Variants in MAP2K4 observed in about 807,000 individuals in gnomAD.
MAP2K4 encodes the protein dual specificity mitogen-activated protein kinase kinase 4.
MAP2K4 carries 4 observed loss-of-function variants against 48.5 expected under a neutral mutation model. The ratio of observed to expected loss-of-function variants is 0.08; its 90% confidence interval spans 0.04 to 0.19. MAP2K4 has a LOEUF of 0.19. Among genes scored for constraint, MAP2K4 ranks in the 10% least tolerant of loss-of-function variants. MAP2K4 has a pLI of 1.00. For missense variants in MAP2K4, 258 were observed against 493.3 expected (o/e 0.52, Z 4.52); for synonymous variants, 166 against 173.1 (o/e 0.96, Z 0.32).
chr17:12,112,247 G>T (rs955109156), intron 6 of MAP2K4, among the ~76,000 whole-genome samples: 1 of 152,108 alleles, frequency 6.6e-6, no homozygotes, highest in Non-Finnish European at 1.5e-5. Flanking sequence ...TGGATCACTT[G>T]AGGTCAGAAG....
chr17:12,106,115 A>AT (rs1007516152), intron 4 of MAP2K4, among the ~76,000 whole-genome samples: 6 of 150,760 alleles, frequency 4.0e-5, no homozygotes, highest in South Asian at 2.1e-4. Flanking sequence ...TCCTAATGTC[A>AT]TTTTTTTTTC....
At chr17:12,023,179 T>A (rs977665799) in intron 1 of MAP2K4, among the ~76,000 whole-genome samples, 15 of 152,234 alleles carry the variant, frequency 9.9e-5, no homozygotes, top group Non-Finnish European at 2.1e-4. Flanking sequence ...TTGAAACTTT[T>A]TTCATTAGTC....
At chr17:12,042,915 C>T (rs1442990148) in intron 1 of MAP2K4, among the ~76,000 whole-genome samples, 1 of 151,364 alleles carries the variant, frequency 6.6e-6, no homozygotes, top group African/African-American at 2.4e-5. Context: ...GGCGTAGTGG[C>T]GGGGGCCTGT....
intron 2 of MAP2K4, among the ~76,000 whole-genome samples, chr17:12,076,313 G>C (rs2151544165): frequency 6.7e-6 from 1 of 150,080 alleles, no homozygotes; most frequent in Middle Eastern, 3.5e-3. Flanking sequence ...GTGTGTGTGT[G>C]TGTGTGTGTG....
chr17:12,034,711 A>G (rs1178056426), intron 1 of MAP2K4, among the ~76,000 whole-genome samples: 3 of 152,208 alleles, frequency 2.0e-5, no homozygotes, highest in Non-Finnish European at 4.4e-5. Context: ...GATGTTACAT[A>G]CTAATTGATT....
At position 12,105,445 on chromosome 17, in the gene MAP2K4, C is replaced by T. The variant is rs28923207; in HGVS notation, c.514-2345C>T. Reference sequence around the variant, plus strand: ...ATTGAGAATGATATCTTTTTATTTTCGAATTAGTTATTGGTATATGTTATT... The same window carrying T: ...ATTGAGAATGATATCTTTTTATTTTTGAATTAGTTATTGGTATATGTTATT... On this transcript the variant is annotated intron_variant, in intron 4 of 10. Coordinates refer to ENST00000353533, the MANE Select transcript of MAP2K4 (RefSeq NM_003010.4). Among the ~76,000 whole-genome samples, 704 of 152,128 alleles carry T rather than the reference C, an allele frequency of 4.6e-3. 2 individuals carry two copies. The highest frequency in any genetic ancestry group is 0.017 in the African/African-American group (689 of 41,502).
chr17:12,082,968 G>A (rs1173035373), intron 3 of MAP2K4, among the ~76,000 whole-genome samples: 1 of 152,232 alleles, frequency 6.6e-6, no homozygotes, highest in Non-Finnish European at 1.5e-5. Flanking sequence ...GATGAATGTT[G>A]TGTTGTCCCT....
chr17:12,140,142 A>T (rs1973329792), intron 10 of MAP2K4, among the ~76,000 whole-genome samples: 1 of 152,198 alleles, frequency 6.6e-6, no homozygotes, highest in African/African-American at 2.4e-5. Flanking sequence ...AAGAATTCTG[A>T]CTTTAAGAAG....
At chr17:12,135,539 A>G (rs1396111319) in intron 9 of MAP2K4, among the ~76,000 whole-genome samples, 1 of 151,878 alleles carries the variant, frequency 6.6e-6, no homozygotes, top group Non-Finnish European at 1.5e-5. Context: ...TGGCCTGGAT[A>G]AGCATTTTAA....
At chr17:12,035,804 C>T (rs900577555) in intron 1 of MAP2K4, among the ~76,000 whole-genome samples, 10 of 152,146 alleles carry the variant, frequency 6.6e-5, no homozygotes, top group African/African-American at 2.4e-4. Context: ...TCAAATCTAT[C>T]ACAAATAAAA....
intron 5 of MAP2K4, among the ~76,000 whole-genome samples, chr17:12,108,916 A>T (rs1972215563): frequency 6.6e-6 from 1 of 152,054 alleles, no homozygotes; most frequent in Non-Finnish European, 1.5e-5. Flanking sequence ...TTTTACAATG[A>T]TTAGTTTAGC....
At chr17:12,084,946 A>T (rs145662408) in intron 3 of MAP2K4, among the ~76,000 whole-genome samples, 99 of 152,282 alleles carry the variant, frequency 6.5e-4, no homozygotes, top group Non-Finnish European at 1.2e-3. Context: ...ATGAAATGTC[A>T]CAGCTTAGAC....
intron 2 of MAP2K4, among the ~76,000 whole-genome samples, chr17:12,072,787 T>C (rs1970859951): frequency 6.6e-6 from 1 of 152,214 alleles, no homozygotes; most frequent in Non-Finnish European, 1.5e-5. Context: ...ATAAAATTTA[T>C]TTCTATAAAA....
chr17:12,142,921 G>T lies in MAP2K4; in HGVS notation c.*1661G>T, dbSNP rs994677092. 1 of 232,526 alleles carries T rather than the reference G, an allele frequency of 4.3e-6. No individual in the cohort carries two copies. The highest frequency in any genetic ancestry group is 8.5e-6 in the Non-Finnish European group (1 of 117,672). 14.4% of individuals were successfully genotyped at this position (232,526 alleles called of 1,614,324 possible). A position where few individuals can be genotyped will look rare whatever the true frequency, so the allele number is the denominator to read the frequency against. Reference sequence around the variant, plus strand: ...GGTGATGCCATTACAGAACCAAATCGTGGCACGTATTGCTGTGTCTCCTCT... The same window carrying T: ...GGTGATGCCATTACAGAACCAAATCTTGGCACGTATTGCTGTGTCTCCTCT... On this transcript the variant is annotated 3_prime_UTR_variant, in exon 11 of 11. Transcript: ENST00000353533.
At chr17:12,062,370 C>G in intron 2 of MAP2K4, among the ~76,000 whole-genome samples, 1 of 152,092 alleles carries the variant, frequency 6.6e-6, no homozygotes, top group East Asian at 1.9e-4. Flanking sequence ...GGATCTTGCT[C>G]TGTTGCCCTG....
At chr17:12,103,997 T>C (rs998316233) in intron 4 of MAP2K4, among the ~76,000 whole-genome samples, 1 of 152,210 alleles carries the variant, frequency 6.6e-6, no homozygotes, top group African/African-American at 2.4e-5. Flanking sequence ...CATGTCTCTT[T>C]GACAACTTAG....
chr17:12,061,107 A>T (rs550001777), intron 2 of MAP2K4, among the ~76,000 whole-genome samples: 16 of 152,286 alleles, frequency 1.1e-4, no homozygotes, highest in African/African-American at 3.6e-4. Flanking sequence ...ATTCAAAATA[A>T]TGTCTTCAAG....
intron 7 of MAP2K4, chr17:12,115,458 C>G (rs1158699707): frequency 1.9e-6 from 1 of 530,642 alleles, no homozygotes; most frequent in African/African-American, 1.9e-5. Flanking sequence ...GTAATTATAT[C>G]ACAACAGCAA....
chr17:12,050,223 G>GGGGCAGT (rs1970095772), intron 1 of MAP2K4, among the ~76,000 whole-genome samples: 2 of 152,056 alleles, frequency 1.3e-5, no homozygotes, highest in African/African-American at 2.4e-5. Context: ...CAGGGGGCAG[G>GGGGCAGT]GGGCAGTGAA....
Sources: allele counts gnomAD v4.1 joint callset (sites outside exome capture counted in the v4.1 genomes callset), GRCh38; gene constraint gnomAD v4.1.1; transcripts MANE v1.5; gene names NCBI Gene and HGNC (gene_info 2026-07-23, HGNC 2026-07-21).